The following CCDC174 variants were observed in gnomAD, a reference collection of about 807,000 sequenced individuals.
CCDC174 encodes the protein coiled-coil domain containing 174, also known as coiled-coil domain-containing protein 174.
Under a neutral mutation model 57.1 loss-of-function variants are expected in CCDC174, and 37 were observed. The ratio of observed to expected loss-of-function variants is 0.65; its 90% CI spans 0.50 to 0.85. CCDC174 has a LOEUF of 0.85. Ranked by LOEUF, CCDC174 falls within the 40% of genes least tolerant of loss-of-function variation. The probability of loss-of-function intolerance (pLI) is 0.00; values close to 1 mark genes in which losing one functional copy is unlikely to be tolerated. For synonymous variants in CCDC174, 182 were observed against 190.2 expected (o/e 0.96, Z 0.35); for missense variants, 540 against 574.3 (o/e 0.94, Z 0.61).
In CCDC174 at chr3:14,655,497, G is replaced by A. The variant is rs767378782; in HGVS notation, c.148-32G>A. ...GTAGAGATTTTTTGGCAATCATGTG[G>A]TTCTGTTTTGTCTTCTAAAATTATT... On this transcript the variant is annotated intron_variant, in intron 2 of 10. Transcript: ENST00000383794. 1.1e-5 allele frequency: 16 copies of A among 1,451,056 alleles called. No homozygotes were observed. In the South Asian group the frequency reaches 1.7e-4, roughly 15 times the overall value. 89.9% of individuals were successfully genotyped at this position (1,451,056 alleles called of 1,614,324 possible).
chr3:14,657,770 C>A (rs1426974914), intron 3 of CCDC174, among the ~76,000 whole-genome samples: 1 of 152,176 alleles, frequency 6.6e-6, no homozygotes, highest in Non-Finnish European at 1.5e-5. Flanking sequence ...GACCTGCCTT[C>A]CCTGCCCCCA....
At chr3:14,669,813 C>T (rs1575074202) in intron 9 of CCDC174, 121 bp from the exon 10 acceptor site, 1 of 882,738 alleles carries the variant, frequency 1.1e-6, no homozygotes, top group South Asian at 1.7e-5. Flanking sequence ...CTGCCTGGGA[C>T]ATGTTAGGTA....
Position 14,671,132 on chromosome 3 carries a change from GC to G in CCDC174, c.1347del (p.Thr450GlnfsTer10). On this transcript the variant is annotated frameshift_variant, in exon 11 of 11. Transcript: ENST00000383794. LOFTEE classifies it high-confidence loss of function. ...PTPAPDNPPQ[A>X]PTVTFKTLDD... Reference sequence around the variant, plus strand: ...TCCTGCCCCCGACAACCCACCACAAGCCCCCACAGTTACTTTCAAAACTCTG... The same window carrying G: ...TCCTGCCCCCGACAACCCACCACAAGCCCCACAGTTACTTTCAAAACTCTG... The G allele has an allele frequency of 6.2e-7, 1 of 1,613,930 alleles. No homozygotes were observed. Among genetic ancestry groups the G allele is most frequent in the African/African-American group, 1.3e-5 (1 of 75,004 alleles).
At chr3:14,670,232 T>A in intron 10 of CCDC174, 146 bp downstream of exon 10, 1 of 760,914 alleles carries the variant, frequency 1.3e-6, no homozygotes, top group Non-Finnish European at 2.1e-6. Flanking sequence ...GACCTGCCTT[T>A]AAAGTATTAT....
chr3:14,668,192 G>A lies in CCDC174; in HGVS notation c.952+11G>A. The A allele has an allele frequency of 1.3e-6, 2 of 1,586,732 alleles. 1 individual carries two copies. The highest frequency in any genetic ancestry group is 2.3e-5 in the South Asian group (2 of 85,854). ...AAGAAGAAAATAGAGGTATATCATG[G>A]CTATGTTGCTGAACTTCAAAAGGGA... On this transcript the variant is annotated intron_variant, in intron 9 of 10. Transcript: ENST00000383794.
At chr3:14,664,274 G>A (rs148643892) in intron 5 of CCDC174, among the ~76,000 whole-genome samples, 13 of 152,292 alleles carry the variant, frequency 8.5e-5, no homozygotes, top group Admixed American at 2.6e-4. Context: ...GGACCTTACT[G>A]TGTATTCGGT....
Position 14,672,236 on chromosome 3 carries a change from C to G in CCDC174, c.*1042C>G, listed in dbSNP as rs1014151490. 1 of 152,426 alleles carries G rather than the reference C, an allele frequency of 6.6e-6. No individual in the cohort carries two copies. The highest frequency in any genetic ancestry group is 1.5e-5 in the Non-Finnish European group (1 of 68,188). 9.4% of individuals were successfully genotyped at this position (152,426 alleles called of 1,614,324 possible). On this transcript the variant is annotated 3_prime_UTR_variant, in exon 11 of 11. Transcript: ENST00000383794. ...GAATACAGTAGCACAAGTCCTTGTT[C>G]TCTGAAGAGTGGGAAGGAGAGGAGT...
chr3:14,655,644 T>C lies in CCDC174; in HGVS notation c.248+15T>C, dbSNP rs1042243422. 20 of 1,534,680 alleles carry C rather than the reference T, an allele frequency of 1.3e-5. No individual in the cohort carries two copies. The highest frequency in any genetic ancestry group is 6.8e-5 in the East Asian group (3 of 43,862). On this transcript the variant is annotated intron_variant, in intron 3 of 10. Transcript: ENST00000383794. Reference sequence around the variant, plus strand: ...GACAAAGCAAGGTAAAGTTATAAGCTCTGGTAAATATAGTTAGCTTTGAGG... The same window carrying C: ...GACAAAGCAAGGTAAAGTTATAAGCCCTGGTAAATATAGTTAGCTTTGAGG...
At chr3:14,663,167 C>T (rs1202497648) in intron 5 of CCDC174, among the ~76,000 whole-genome samples, 2 of 152,154 alleles carry the variant, frequency 1.3e-5, no homozygotes, top group Non-Finnish European at 2.9e-5. Flanking sequence ...AATCCTCCTG[C>T]CTCAGTTTTT....
intron 1 of CCDC174, 68 bp from the exon 2 acceptor site, chr3:14,654,358 T>C (rs1454535905): frequency 6.2e-6 from 5 of 801,584 alleles, no homozygotes; most frequent in South Asian, 1.6e-5. Context: ...TTGGAAATTA[T>C]AATAATTTAG....
intron 5 of CCDC174, 95 bp from the exon 6 acceptor site, chr3:14,664,933 G>A: frequency 2.4e-6 from 2 of 844,018 alleles, no homozygotes; most frequent in East Asian, 2.4e-5. Flanking sequence ...TGGTAGTGAG[G>A]CCTATCTTCC....
intron 5 of CCDC174, among the ~76,000 whole-genome samples, chr3:14,663,896 AT>A (rs372594948): frequency 1.2e-3 from 179 of 152,338 alleles, no homozygotes; most frequent in African/African-American, 3.7e-3. Flanking sequence ...GTTCTGACAC[AT>A]TTTTTTGTTT....
chr3:14,670,909 A>C lies in CCDC174; in HGVS notation c.1119A>C (p.Gly373=). ...EWDRGKEFSF[G]YWSKRQSDLR... ...TATTTTTACCAGAATTTTCCTTTGG[A>C]TACTGGTCGAAGAGGCAGTCAGATC... Residue 373 remains glycine (G), a synonymous_variant, in exon 11 of 11, where the codon GGA becomes GGC. Coordinates refer to ENST00000383794, the MANE Select transcript of CCDC174 (RefSeq NM_016474.5). The C allele has an allele frequency of 4.4e-6, 7 of 1,604,904 alleles. No homozygotes were observed. Among genetic ancestry groups the C allele is most frequent in the African/African-American group, 1.3e-5 (1 of 74,770 alleles).
At chr3:14,663,613 C>G (rs2031223101) in intron 5 of CCDC174, among the ~76,000 whole-genome samples, 1 of 152,140 alleles carries the variant, frequency 6.6e-6, no homozygotes, top group Non-Finnish European at 1.5e-5. Flanking sequence ...TGGGTGATTG[C>G]TGATTAGATG....
At position 14,651,875 on chromosome 3, in the gene CCDC174, C is replaced by T. The variant is rs750307401; in HGVS notation, c.39C>T (p.Ser13=). 6.2e-7 allele frequency: 1 copy of T among 1,614,050 alleles called. No homozygotes were observed. The highest frequency in any genetic ancestry group is 8.5e-7 in the Non-Finnish European group (1 of 1,179,934). ...AAAAGCCTTTGGACGTCACGGCCTC[C>T]TCGGTGAGTGAGGGTATGAGGTAAC... ...RRKKPLDVTA[S]SLVDLKAELF... Residue 13 remains serine (S), a synonymous_variant, in exon 1 of 11, where the codon TCC becomes TCT. Coordinates refer to ENST00000383794, the MANE Select transcript of CCDC174 (RefSeq NM_016474.5).
Position 14,670,928 on chromosome 3 carries a change from T to G in CCDC174, c.1138T>G (p.Ser380Ala). Residue 380 changes from serine to alanine, a missense_variant, in exon 11 of 11, where the codon TCA becomes GCA. Ser to Ala is a moderately conservative substitution (Grantham distance 99). Coordinates refer to ENST00000383794, the MANE Select transcript of CCDC174 (RefSeq NM_016474.5). Reference sequence around the variant, plus strand: ...CTTTGGATACTGGTCGAAGAGGCAGTCAGATCTCCGGGCTGAGAGAGATCC... The same window carrying G: ...CTTTGGATACTGGTCGAAGAGGCAGGCAGATCTCCGGGCTGAGAGAGATCC... The part of the protein sequence containing the change: ...FSFGYWSKRQ[S>A]DLRAERDPEF... 1 of 1,612,242 alleles carries G rather than the reference T, an allele frequency of 6.2e-7. No homozygotes were observed. Among genetic ancestry groups the G allele is most frequent in the Non-Finnish European group, 8.5e-7 (1 of 1,178,390 alleles).
intron 5 of CCDC174, 84 bp from the exon 6 acceptor site, chr3:14,664,944 C>A (rs1261807988): frequency 1.1e-6 from 1 of 932,134 alleles, no homozygotes; most frequent in Non-Finnish European, 1.8e-6. Flanking sequence ...CCTATCTTCC[C>A]CCTTCACTGT....
At chr3:14,655,652 A>G (rs1475078991) in intron 3 of CCDC174, 23 bp downstream of exon 3, 1 of 1,482,786 alleles carries the variant, frequency 6.7e-7, no homozygotes, top group South Asian at 1.2e-5. Flanking sequence ...GCTCTGGTAA[A>G]TATAGTTAGC....
At chr3:14,656,031 A>C (rs939335116) in intron 3 of CCDC174, among the ~76,000 whole-genome samples, 19 of 152,144 alleles carry the variant, frequency 1.2e-4, no homozygotes, top group Non-Finnish European at 2.2e-4. Context: ...CCCAGTTAAC[A>C]TCTTGTCACA....
Sources: allele counts gnomAD v4.1 joint callset (sites outside exome capture counted in the v4.1 genomes callset), GRCh38; gene constraint gnomAD v4.1.1; transcripts MANE v1.5; gene names NCBI Gene and HGNC (gene_info 2026-07-23, HGNC 2026-07-21).